CLIP4: variants seen among roughly 807,000 people sequenced by gnomAD.
CLIP4 encodes CAP-Gly domain-containing linker protein 4.
CLIP4 carries 47 observed loss-of-function variants against 73.1 expected under a neutral mutation model. That is an observed-to-expected ratio of 0.64 (90% confidence interval 0.51 to 0.82). The LOEUF (loss-of-function observed/expected upper bound fraction) is 0.82, where lower values mean the gene tolerates loss of function less well. Ranked by LOEUF, CLIP4 falls within the 40% of genes least tolerant of loss-of-function variation. The pLI is 0.00. For missense variants in CLIP4, 874 were observed against 852.9 expected (o/e 1.02, Z -0.31); for synonymous variants, 306 against 295.4 (o/e 1.04, Z -0.37).
intron 11 of CLIP4, among the ~76,000 whole-genome samples, chr2:29,158,437 A>T (rs1018003851): frequency 6.6e-6 from 1 of 152,154 alleles, no homozygotes; most frequent in Admixed American, 6.5e-5. Flanking sequence ...TTAAAAAAAT[A>T]AATTTGAGGG....
intron 8 of CLIP4, among the ~76,000 whole-genome samples, chr2:29,150,479 C>T (rs1666479668): frequency 6.6e-6 from 1 of 152,072 alleles, no homozygotes; most frequent in South Asian, 2.1e-4. Flanking sequence ...ATTATTATGA[C>T]ATTAATGACA....
At chr2:29,118,730 G>T (rs538737265) in intron 1 of CLIP4, among the ~76,000 whole-genome samples, 1 of 152,074 alleles carries the variant, frequency 6.6e-6, no homozygotes. Flanking sequence ...ATGTTGGTCA[G>T]GCTGGTCTCG....
At chr2:29,136,575 A>G (rs747160125) in intron 6 of CLIP4, among the ~76,000 whole-genome samples, 5 of 148,552 alleles carry the variant, frequency 3.4e-5, no homozygotes, top group Non-Finnish European at 6.0e-5. Flanking sequence ...GTTTTACTGT[A>G]GTGTGCTAAT....
chr2:29,125,545 C>A (rs751981503), intron 2 of CLIP4, among the ~76,000 whole-genome samples: 1 of 152,042 alleles, frequency 6.6e-6, no homozygotes, highest in African/African-American at 2.4e-5. Context: ...TTCAACTCAG[C>A]GAGTCCAGAC....
chr2:29,155,226 A>T (rs1370739857), intron 9 of CLIP4, among the ~76,000 whole-genome samples: 1 of 152,214 alleles, frequency 6.6e-6, no homozygotes, highest in African/African-American at 2.4e-5. Context: ...TGAGTCCAGG[A>T]GTTTAGGCTG....
chr2:29,161,030 A>C (rs893868527), intron 12 of CLIP4, among the ~76,000 whole-genome samples: 2 of 151,966 alleles, frequency 1.3e-5, no homozygotes, highest in Non-Finnish European at 2.9e-5. Context: ...GCTGGAGTGC[A>C]ATGGCATGAT....
chr2:29,105,361 T>G (rs1668170279), intron 1 of CLIP4, among the ~76,000 whole-genome samples: 1 of 152,248 alleles, frequency 6.6e-6, no homozygotes, highest in African/African-American at 2.4e-5. Flanking sequence ...TCAAAGTGCT[T>G]GAAGTTTTTT....
At chr2:29,143,678 T>C (rs1358344168) in intron 6 of CLIP4, 31 bp from the exon 7 acceptor site, 4 of 1,422,792 alleles carry the variant, frequency 2.8e-6, no homozygotes, top group African/African-American at 2.8e-5. Context: ...TAAGTAAGAG[T>C]TGAACATTTT....
In CLIP4 at chr2:29,145,361, A is replaced by G; in HGVS notation, c.1015A>G (p.Lys339Glu). 1 of 1,607,154 alleles carries G rather than the reference A, an allele frequency of 6.2e-7. No homozygotes were observed. Among genetic ancestry groups the G allele is most frequent in the Non-Finnish European group, 8.5e-7 (1 of 1,174,788 alleles). ...AGTCCAGTACTTTAAATGTGCCCCC[A>G]AGTATGGTAAGGTTGATATTATTTA... Reference protein sequence around the residue: ...GKVQYFKCAPKYGIFAPLSKI... With the variant: ...GKVQYFKCAPEYGIFAPLSKI... Residue 339 changes from lysine to glutamate, a missense_variant, in exon 8 of 16, where the codon AAG (lysine) becomes GAG (glutamate). Lys to Glu is a moderately conservative substitution (Grantham distance 56, BLOSUM62 1). Coordinates refer to ENST00000320081, the MANE Select transcript of CLIP4 (RefSeq NM_024692.6).
At chr2:29,125,177 C>T (rs904741873) in intron 2 of CLIP4, among the ~76,000 whole-genome samples, 2 of 152,096 alleles carry the variant, frequency 1.3e-5, no homozygotes, top group African/African-American at 4.8e-5. Context: ...GCCCTGAACC[C>T]CCTGGCTACG....
chr2:29,136,105 G>A (rs1665334475), intron 6 of CLIP4, among the ~76,000 whole-genome samples: 1 of 151,806 alleles, frequency 6.6e-6, no homozygotes, highest in African/African-American at 2.4e-5. Flanking sequence ...AAGGAAAAGT[G>A]TATTTTTTAA....
At chr2:29,135,335 C>T (rs1298752132) in intron 5 of CLIP4, among the ~76,000 whole-genome samples, 2 of 152,134 alleles carry the variant, frequency 1.3e-5, no homozygotes, top group Non-Finnish European at 2.9e-5. Flanking sequence ...ATCACTCCAT[C>T]TTATAATGAA....
At chr2:29,158,002 A>C (rs918050166) in intron 11 of CLIP4, among the ~76,000 whole-genome samples, 4 of 152,212 alleles carry the variant, frequency 2.6e-5, no homozygotes, top group African/African-American at 4.8e-5. Flanking sequence ...TCTTGTAGTG[A>C]ACCAACATTT....
chr2:29,144,010 A>C, intron 7 of CLIP4, 65 bp downstream of exon 7: 1 of 1,231,972 alleles, frequency 8.1e-7, no homozygotes, highest in South Asian at 1.2e-5. Context: ...GTTCAAGGAC[A>C]CAGTATGGTC....
At chr2:29,178,746 A>G (rs1668487006) in intron 15 of CLIP4, among the ~76,000 whole-genome samples, 1 of 152,010 alleles carries the variant, frequency 6.6e-6, no homozygotes, top group Non-Finnish European at 1.5e-5. Flanking sequence ...TCCCTTCCCA[A>G]TACTTCCTAT....
At chr2:29,132,124 G>T (rs1408456039) in intron 3 of CLIP4, 28 bp from the exon 4 acceptor site, 1 of 1,566,994 alleles carries the variant, frequency 6.4e-7, no homozygotes, top group Admixed American at 1.7e-5. Context: ...TAGTTAGGTT[G>T]TAACCATATT....
chr2:29,176,463 G>A (rs1454715205), intron 15 of CLIP4, among the ~76,000 whole-genome samples: 4 of 152,196 alleles, frequency 2.6e-5, no homozygotes, highest in Non-Finnish European at 5.9e-5. Context: ...TGGAGGGCAC[G>A]TTTGGCCCCT....
intron 14 of CLIP4, 63 bp from the exon 15 acceptor site, chr2:29,174,310 T>C (rs1668193866): frequency 3.1e-6 from 4 of 1,284,100 alleles, no homozygotes; most frequent in East Asian, 2.3e-5. Context: ...TGATAAAATA[T>C]CATTTTAAAT....
chr2:29,148,930 T>C (rs999181393), intron 8 of CLIP4, among the ~76,000 whole-genome samples: 1 of 152,320 alleles, frequency 6.6e-6, no homozygotes, highest in Admixed American at 6.5e-5. Context: ...ATTTCTCCCC[T>C]CAAACTTTAT....
Sources: allele counts gnomAD v4.1 joint callset (sites outside exome capture counted in the v4.1 genomes callset), GRCh38; gene constraint gnomAD v4.1.1; transcripts MANE v1.5; gene names NCBI Gene and HGNC (gene_info 2026-07-23, HGNC 2026-07-21).